CSMD1: variants seen among roughly 807,000 people sequenced by gnomAD.
CSMD1 encodes the protein CUB and sushi domain-containing protein 1.
CSMD1 carries 213 observed loss-of-function variants against 417.5 expected under a neutral mutation model. That is an observed-to-expected ratio of 0.51 (90% confidence interval 0.46 to 0.57). The LOEUF is 0.57. Ranked by LOEUF, CSMD1 falls within the 20% of genes least tolerant of loss-of-function variation. CSMD1 has a pLI of 0.00. For synonymous variants in CSMD1, 2,862 were observed against 1,736.8 expected (o/e 1.65, Z -16.11); for missense variants, 6,923 against 4,529.7 (o/e 1.53, Z -15.17).
chr8:4,162,719 G>A (rs554054230), intron 3 of CSMD1, among the ~76,000 whole-genome samples: 88 of 152,266 alleles, frequency 5.8e-4, no homozygotes, highest in African/African-American at 2.0e-3. Flanking sequence ...TGGTGCATTT[G>A]TTCCAATCGA....
At chr8:3,991,610 G>A (rs1485114229) in intron 5 of CSMD1, among the ~76,000 whole-genome samples, 1 of 152,180 alleles carries the variant, frequency 6.6e-6, no homozygotes, top group Non-Finnish European at 1.5e-5. Flanking sequence ...CACAGTAACA[G>A]AGATGACTAC....
At chr8:4,843,426 G>T (rs536110400) in intron 1 of CSMD1, among the ~76,000 whole-genome samples, 12 of 144,236 alleles carry the variant, frequency 8.3e-5, no homozygotes, top group African/African-American at 3.3e-4. Context: ...CAGTACATTT[G>T]GAGAGATTAC....
At chr8:3,548,680 A>ACG (rs1256721780) in intron 10 of CSMD1, among the ~76,000 whole-genome samples, 1 of 151,248 alleles carries the variant, frequency 6.6e-6, no homozygotes, top group African/African-American at 2.4e-5. Context: ...ACACACACAC[A>ACG]CACACACACA....
chr8:3,575,428 C>A (rs1381857603), intron 9 of CSMD1, among the ~76,000 whole-genome samples: 1 of 152,148 alleles, frequency 6.6e-6, no homozygotes, highest in Non-Finnish European at 1.5e-5. Flanking sequence ...TTCAGAGAGT[C>A]TCCATACACA....
At chr8:3,768,540 C>CAA (rs1301222487) in intron 5 of CSMD1, among the ~76,000 whole-genome samples, 2 of 152,066 alleles carry the variant, frequency 1.3e-5, no homozygotes, top group Non-Finnish European at 2.9e-5. Context: ...TAAGAAAGTC[C>CAA]AAATGGCTCA....
At chr8:4,483,221 G>A (rs529941908) in intron 2 of CSMD1, among the ~76,000 whole-genome samples, 1 of 152,128 alleles carries the variant, frequency 6.6e-6, no homozygotes, top group Non-Finnish European at 1.5e-5. Context: ...AGTGAGAAGT[G>A]CCTTTCACCT....
intron 42 of CSMD1, chr8:3,112,940 CT>C: frequency 6.6e-6 from 1 of 152,374 alleles, no homozygotes; most frequent in African/African-American, 2.4e-5. Context: ...CTCATTTCCC[CT>C]GGCCTGATCT....
At chr8:3,822,620 C>T (rs574663044) in intron 5 of CSMD1, among the ~76,000 whole-genome samples, 1 of 152,254 alleles carries the variant, frequency 6.6e-6, no homozygotes, top group East Asian at 1.9e-4. Context: ...TTCTGTCACC[C>T]GCTACCTCTA....
intron 23 of CSMD1, among the ~76,000 whole-genome samples, chr8:3,341,256 C>T (rs1807623439): frequency 1.3e-5 from 2 of 152,156 alleles, no homozygotes; most frequent in Admixed American, 1.3e-4. Context: ...TCACACGGCT[C>T]TGGAGCACAT....
Position 4,829,741 on chromosome 8 carries a change from A to G in CSMD1, c.85+164591T>C, listed in dbSNP as rs1055960365. Among the ~76,000 whole-genome samples the G allele has an allele frequency of 2.0e-5, 3 of 149,832 alleles. No individual in the cohort carries two copies. In the East Asian group the frequency reaches 5.8e-4, roughly 29 times the overall value. ...TGGCAGAGTGAGACCCTGTCTCAAA[A>G]AAAAAAAAAAAAAAAGAAACTCACA... On this transcript the variant is annotated intron_variant, in intron 1 of 69. Transcript: ENST00000635120.
At chr8:2,956,468 T>C (rs1219563976) in intron 63 of CSMD1, among the ~76,000 whole-genome samples, 1 of 151,948 alleles carries the variant, frequency 6.6e-6, no homozygotes, top group Non-Finnish European at 1.5e-5. Context: ...TTATTTTTTA[T>C]TTATTTTTTG....
In CSMD1 at chr8:3,555,779, A is replaced by G. The variant is rs114143204; in HGVS notation, c.1344+19166T>C. 6.8e-3 allele frequency among the ~76,000 whole-genome samples: 1,043 copies of G among 152,284 alleles called. 12 individuals carry two copies. Among genetic ancestry groups the G allele is most frequent in the African/African-American group, 0.024 (987 of 41,558 alleles). On this transcript the variant is annotated intron_variant, in intron 10 of 69. Coordinates refer to ENST00000635120, the MANE Select transcript of CSMD1 (RefSeq NM_033225.6). Reference sequence around the variant, plus strand: ...TATCTCTAATTTTAGATAGTTAGATAGATGTATGGTTAGGCAGACAGTTGT... The same window carrying G: ...TATCTCTAATTTTAGATAGTTAGATGGATGTATGGTTAGGCAGACAGTTGT...
At chr8:3,902,085 C>G (rs545355228) in intron 5 of CSMD1, among the ~76,000 whole-genome samples, 2 of 152,066 alleles carry the variant, frequency 1.3e-5, no homozygotes, top group South Asian at 2.1e-4. Context: ...TCCTATTTGT[C>G]TTGAAAACCA....
At chr8:4,969,978 C>A (rs1198587472) in intron 1 of CSMD1, among the ~76,000 whole-genome samples, 5 of 150,706 alleles carry the variant, frequency 3.3e-5, no homozygotes, top group Non-Finnish European at 7.4e-5. Context: ...ACATACGTAC[C>A]ATGCCTTCCA....
chr8:3,948,827 T>A (rs1811415233), intron 5 of CSMD1, among the ~76,000 whole-genome samples: 1 of 126,586 alleles, frequency 7.9e-6, no homozygotes, highest in Admixed American at 7.9e-5. Context: ...GAAGAGACAT[T>A]TTTATTTGCA....
chr8:4,329,180 G>A (rs1018068782), intron 3 of CSMD1, among the ~76,000 whole-genome samples: 1 of 152,156 alleles, frequency 6.6e-6, no homozygotes, highest in Non-Finnish European at 1.5e-5. Flanking sequence ...CCATAATGGA[G>A]AATAACAAGT....
chr8:3,349,556 C>T (rs546151090), intron 21 of CSMD1, among the ~76,000 whole-genome samples: 12 of 151,126 alleles, frequency 7.9e-5, no homozygotes, highest in South Asian at 2.1e-4. Flanking sequence ...AGTGTTGAGG[C>T]GGAAGTGCAG....
intron 3 of CSMD1, among the ~76,000 whole-genome samples, chr8:4,075,764 C>T (rs556940246): frequency 1.3e-5 from 2 of 152,144 alleles, no homozygotes; most frequent in Non-Finnish European, 2.9e-5. Context: ...AGAATTTTTC[C>T]ACCCTAGCCA....
intron 2 of CSMD1, among the ~76,000 whole-genome samples, chr8:4,484,110 G>T (rs1563221694): frequency 6.6e-6 from 1 of 151,768 alleles, no homozygotes; most frequent in African/African-American, 2.4e-5. Context: ...GGAGAGCTGG[G>T]GTCATGAGGT....
Sources: gnomAD v4.1 joint callset for allele counts (sites outside exome capture counted in the v4.1 genomes callset) on GRCh38, gnomAD v4.1.1 for gene constraint, MANE v1.5 for transcripts, NCBI Gene and HGNC (gene_info 2026-07-23, HGNC 2026-07-21) for gene names.